Variants in ATP2C2 observed in about 807,000 individuals in gnomAD.
ATP2C2 encodes the protein calcium-transporting ATPase type 2C member 2.
ATP2C2 carries 171 observed loss-of-function variants against 110.8 expected under a neutral mutation model. The observed-to-expected ratio is 1.54, with a 90% confidence interval of 1.36 to 1.75. The LOEUF is 1.75. ATP2C2 is among the 40% of genes most tolerant of loss of function. The pLI is 0.00. For synonymous variants in ATP2C2, 804 were observed against 508.4 expected, an observed-to-expected ratio of 1.58 and a Z score of -7.82; for missense variants, 1,963 against 1,235.0, an observed-to-expected ratio of 1.59 and a Z score of -8.84.
At chr16:84,385,314 C>T (rs1904304398) in intron 1 of ATP2C2, among the ~76,000 whole-genome samples, 1 of 152,142 alleles carries the variant, frequency 6.6e-6, no homozygotes, top group African/African-American at 2.4e-5. Flanking sequence ...TTCGCGAGGA[C>T]AGTACTAAGG....
At position 84,412,252 on chromosome 16, in the gene ATP2C2, GTA is replaced by G. The variant is rs571545750; in HGVS notation, c.515+1489_515+1490del. On this transcript the variant is annotated intron_variant, in intron 6 of 26. Coordinates refer to ENST00000262429, the MANE Select transcript of ATP2C2 (RefSeq NM_014861.4). ...ATTTTTATTTTTTAAACCTGATTGT[GTA>G]TGTGTGTGTATGTATGTGTGTACGT... Among the ~76,000 whole-genome samples, 407 of 148,984 alleles carry G rather than the reference GTA, an allele frequency of 2.7e-3. 2 individuals are homozygous for G. Among genetic ancestry groups the G allele is most frequent in the African/African-American group, 9.0e-3 (373 of 41,362 alleles).
intron 23 of ATP2C2, chr16:84,460,324 G>T (rs1911165140): frequency 2.6e-6 from 1 of 380,474 alleles, no homozygotes; most frequent in Non-Finnish European, 5.0e-6. Context: ...GGAGCCTGGA[G>T]CCTGTTTCTC....
Position 84,410,587 on chromosome 16 carries a change from C to T in ATP2C2, c.437C>T (p.Thr146Ile), listed in dbSNP as rs371336541. 1.5e-5 allele frequency: 25 copies of T among 1,614,128 alleles called. No homozygotes were observed. Among genetic ancestry groups the T allele is most frequent in the East Asian group, 8.9e-5 (4 of 44,872 alleles). The part of the protein sequence containing the change: ...SIATAVLVVV[T>I]VAFIQEYRSE... ...GTCTAGGCAGTGCTTGTCGTGGTCA[C>T]TGTCGCCTTCATCCAGGTGAGTATT... is the stretch of plus-strand genomic sequence containing the variant. Residue 146 changes from threonine to isoleucine, a missense_variant, in exon 5 of 27, where the codon ACT becomes ATT. Physicochemically the swap from Thr to Ile is moderately conservative, Grantham distance 89. Coordinates refer to ENST00000262429, the MANE Select transcript of ATP2C2 (RefSeq NM_014861.4).
At chr16:84,412,334 C>G (rs77780847) in intron 6 of ATP2C2, among the ~76,000 whole-genome samples, 2,527 of 127,864 alleles carry the variant, frequency 0.02, 69 homozygotes, top group African/African-American at 0.063. Context: ...GCGTGTGTGT[C>G]TGTATGCGTG....
chr16:84,408,049 G>A (rs191688844), intron 3 of ATP2C2, among the ~76,000 whole-genome samples: 16 of 152,332 alleles, frequency 1.1e-4, no homozygotes, highest in Non-Finnish European at 1.2e-4. Context: ...TTGGGGAGCT[G>A]GTGTGGTGAG....
At chr16:84,441,323 T>C (rs1460240940) in intron 14 of ATP2C2, among the ~76,000 whole-genome samples, 1 of 152,146 alleles carries the variant, frequency 6.6e-6, no homozygotes, top group Non-Finnish European at 1.5e-5. Flanking sequence ...TCTGTACTCA[T>C]CACTGCCCAC....
At chr16:84,392,816 C>T (rs1597749925) in intron 1 of ATP2C2, among the ~76,000 whole-genome samples, 2 of 152,098 alleles carry the variant, frequency 1.3e-5, no homozygotes, top group East Asian at 3.9e-4. Flanking sequence ...GCTGTGTGTC[C>T]TACAGTTCCC....
intron 11 of ATP2C2, among the ~76,000 whole-genome samples, chr16:84,434,436 C>A (rs1190317477): frequency 1.3e-5 from 2 of 151,584 alleles, no homozygotes; most frequent in East Asian, 1.9e-4. Context: ...AACAAACAAA[C>A]AAAAAAATTC....
At chr16:84,455,778 T>G (rs1396787699) in intron 21 of ATP2C2, among the ~76,000 whole-genome samples, 1 of 150,316 alleles carries the variant, frequency 6.7e-6, no homozygotes, top group Non-Finnish European at 1.5e-5. Context: ...CATAGATAGC[T>G]CTTATTATTT....
chr16:84,460,900 G>A (rs1365473515), intron 24 of ATP2C2, 99 bp downstream of exon 24: 2 of 1,444,380 alleles, frequency 1.4e-6, no homozygotes, highest in African/African-American at 1.4e-5. Flanking sequence ...ACATCTGGGA[G>A]AGGCAAACAT....
At chr16:84,459,891 G>C (rs942681106) in intron 23 of ATP2C2, 1 of 335,340 alleles carries the variant, frequency 3.0e-6, no homozygotes, top group Non-Finnish European at 5.7e-6. Flanking sequence ...CCACTCAGTA[G>C]GTGCTCAGGA....
chr16:84,422,330 T>A, intron 7 of ATP2C2, 60 bp from the exon 8 acceptor site: 1 of 1,565,712 alleles, frequency 6.4e-7, no homozygotes, highest in African/African-American at 1.4e-5. Context: ...TTTTGTGCTT[T>A]TAACACCAAT....
intron 2 of ATP2C2, among the ~76,000 whole-genome samples, chr16:84,401,222 CTTTT>C (rs55635029): frequency 8.2e-6 from 1 of 121,590 alleles, no homozygotes; most frequent in African/African-American, 3.1e-5. Flanking sequence ...AGTCTTTAAT[CTTTT>C]TTTTTTTTTT....
At chr16:84,459,076 C>T in intron 21 of ATP2C2, 44 bp from the exon 22 acceptor site, 1 of 1,607,904 alleles carries the variant, frequency 6.2e-7, no homozygotes, top group East Asian at 2.2e-5. Flanking sequence ...GTCCAGCCCT[C>T]ACGCAGGCCC....
intron 1 of ATP2C2, among the ~76,000 whole-genome samples, chr16:84,396,272 G>A (rs973192847): frequency 1.3e-5 from 2 of 152,002 alleles, no homozygotes; most frequent in Admixed American, 1.3e-4. Context: ...CGAGCCAGGT[G>A]CAGTGGCTCA....
At chr16:84,429,453 T>C (rs886680379) in intron 11 of ATP2C2, among the ~76,000 whole-genome samples, 7 of 152,124 alleles carry the variant, frequency 4.6e-5, no homozygotes, top group African/African-American at 1.2e-4. Flanking sequence ...GCTTCCAGCC[T>C]TCGTGGAGCT....
At chr16:84,450,073 T>TAC in intron 17 of ATP2C2, among the ~76,000 whole-genome samples, 1 of 152,362 alleles carries the variant, frequency 6.6e-6, no homozygotes, top group Non-Finnish European at 1.5e-5. Flanking sequence ...TCCAGGGACT[T>TAC]GCTCCAGGCC....
rs377182303 is a variant in ATP2C2, at chr16:84,415,627, G to C, written c.624+36G>C. On this transcript the variant is annotated intron_variant, in intron 7 of 26. Coordinates refer to ENST00000262429, the MANE Select transcript of ATP2C2 (RefSeq NM_014861.4). Reference sequence around the variant, plus strand: ...CCAAACCCTTGTCAATGGGGTATTTGATGGAGCTGGTCAAGGAGCAGACAC... The same window carrying C: ...CCAAACCCTTGTCAATGGGGTATTTCATGGAGCTGGTCAAGGAGCAGACAC... 68 of 1,545,916 alleles carry C rather than the reference G, an allele frequency of 4.4e-5. No homozygotes were observed. The African/African-American group carries it at 7.9e-4, about 18-fold the overall frequency.
rs187211782 is a variant in ATP2C2, at chr16:84,400,444, A to T, written c.210+1835A>T. ...TGGGTTCACGCCATTCTTCTGTCTC[A>T]GCCTCCTGAGTAGCTGGGACTACAG... On this transcript the variant is annotated intron_variant, in intron 2 of 26. Coordinates refer to ENST00000262429, the MANE Select transcript of ATP2C2 (RefSeq NM_014861.4). Among the ~76,000 whole-genome samples, 342 of 150,944 alleles carry T rather than the reference A, an allele frequency of 2.3e-3. 1 individual carries two copies. The highest frequency in any genetic ancestry group is 0.01 in the Middle Eastern group (3 of 290).
Sources: allele counts gnomAD v4.1 joint callset (sites outside exome capture counted in the v4.1 genomes callset), GRCh38; gene constraint gnomAD v4.1.1; transcripts MANE v1.5; gene names NCBI Gene and HGNC (gene_info 2026-07-23, HGNC 2026-07-21).